Variants in CDH13 observed in about 807,000 individuals in gnomAD.
The protein encoded by CDH13 is cadherin-13.
In CDH13, 24 loss-of-function variants were observed where a neutral mutation model predicts 63.8. The observed-to-expected ratio is 0.38, with a 90% confidence interval of 0.27 to 0.53. The LOEUF is 0.53. Among genes scored for constraint, CDH13 ranks in the 20% least tolerant of loss-of-function variants. The pLI, the probability that CDH13 is intolerant of heterozygous loss-of-function variation, is 0.85. For missense variants in CDH13, 1,049 were observed against 903.1 expected, an observed-to-expected ratio of 1.16 and a Z score of -2.07; for synonymous variants, 503 against 355.3, an observed-to-expected ratio of 1.42 and a Z score of -4.67.
rs117404976 is a variant in CDH13, at chr16:83,733,294, G to A, written c.1539-14814G>A. Among the ~76,000 whole-genome samples the A allele has an allele frequency of 8.7e-3, 1,330 of 152,286 alleles. 63 individuals carry two copies. Among genetic ancestry groups the A allele is most frequent in the Admixed American group, 0.067 (1,030 of 15,284 alleles). On this transcript the variant is annotated intron_variant, in intron 10 of 13. Coordinates refer to ENST00000567109, the MANE Select transcript of CDH13 (RefSeq NM_001257.5). ...TGCCTCCGGATGATGATCCGTGAGC[G>A]CACACTGGACTCGTGCTCCTGGGTG...
intron 2 of CDH13, among the ~76,000 whole-genome samples, chr16:82,896,442 C>A (rs763639984): frequency 6.6e-6 from 1 of 151,658 alleles, no homozygotes; most frequent in Non-Finnish European, 1.5e-5. Flanking sequence ...TACAGGGGTT[C>A]CCCACTATGC....
intron 1 of CDH13, among the ~76,000 whole-genome samples, chr16:82,727,270 C>A (rs542492008): frequency 6.6e-6 from 1 of 152,042 alleles, no homozygotes; most frequent in Non-Finnish European, 1.5e-5. Flanking sequence ...TTTGTAAATC[C>A]CTGGAGGTTG....
intron 1 of CDH13, among the ~76,000 whole-genome samples, chr16:82,630,484 C>G (rs919122524): frequency 2.6e-5 from 4 of 152,212 alleles, no homozygotes; most frequent in African/African-American, 9.6e-5. Flanking sequence ...CTCCCCTTTT[C>G]TATCTTTAGC....
intron 1 of CDH13, among the ~76,000 whole-genome samples, chr16:82,726,574 G>A (rs1268827377): frequency 6.6e-6 from 1 of 152,176 alleles, no homozygotes; most frequent in Non-Finnish European, 1.5e-5. Flanking sequence ...TGCATCTGTT[G>A]CAGCTTATTT....
At chr16:82,822,874 T>A (rs965227105) in intron 1 of CDH13, among the ~76,000 whole-genome samples, 2 of 152,106 alleles carry the variant, frequency 1.3e-5, no homozygotes, top group Non-Finnish European at 2.9e-5. Context: ...GTAGGGATTG[T>A]CTGGGCTCCG....
At chr16:83,138,091 A>T (rs1408180963) in intron 4 of CDH13, among the ~76,000 whole-genome samples, 1 of 152,086 alleles carries the variant, frequency 6.6e-6, no homozygotes, top group Non-Finnish European at 1.5e-5. Context: ...AATTGTTCCC[A>T]TCTGTGAGTG....
rs1912356545 is a variant in CDH13 at position 83,744,262 on chromosome 16, G to A, written c.1539-3846G>A. Among the ~76,000 whole-genome samples the A allele has an allele frequency of 2.0e-5, 3 of 152,280 alleles. No individual in the cohort carries two copies. The South Asian group carries it at 6.2e-4, about 32-fold the overall frequency. On this transcript the variant is annotated intron_variant, in intron 10 of 13. Transcript: ENST00000567109. ...CAAAGGCATTTTTACCAGTGCATGT[G>A]CCTCGCACAGACCTAGTGAGGTGAT...
chr16:83,327,797 A>G (rs959858093), intron 5 of CDH13, among the ~76,000 whole-genome samples: 3 of 152,244 alleles, frequency 2.0e-5, no homozygotes, highest in African/African-American at 7.2e-5. Flanking sequence ...AAAAAGTCTT[A>G]TAGGTGAGGA....
intron 7 of CDH13, among the ~76,000 whole-genome samples, chr16:83,540,745 C>T (rs930272793): frequency 3.9e-5 from 6 of 152,086 alleles, no homozygotes; most frequent in Admixed American, 6.5e-5. Context: ...GTAGTAATTG[C>T]GGCAGTCAGC....
intron 5 of CDH13, among the ~76,000 whole-genome samples, chr16:83,283,516 A>G (rs1011878784): frequency 6.6e-6 from 1 of 152,188 alleles, no homozygotes; most frequent in Non-Finnish European, 1.5e-5. Context: ...ACTTGAACCC[A>G]GGAGGTGGAG....
chr16:82,840,454 G>A (rs988256691), intron 1 of CDH13, among the ~76,000 whole-genome samples: 1 of 151,688 alleles, frequency 6.6e-6, no homozygotes, highest in Non-Finnish European at 1.5e-5. Flanking sequence ...AGGCCCAGGT[G>A]GACAGATCAT....
At chr16:83,420,565 A>G (rs2071685808) in intron 6 of CDH13, among the ~76,000 whole-genome samples, 1 of 152,226 alleles carries the variant, frequency 6.6e-6, no homozygotes, top group South Asian at 2.1e-4. Flanking sequence ...CGTACCGATT[A>G]AATTACCAGT....
chr16:83,704,028 C>T (rs919904656), intron 10 of CDH13, among the ~76,000 whole-genome samples: 2 of 152,212 alleles, frequency 1.3e-5, no homozygotes, highest in African/African-American at 4.8e-5. Context: ...AAAGACATTT[C>T]TTGGCATCTA....
chr16:83,402,303 G>A (rs2091980801), intron 6 of CDH13, among the ~76,000 whole-genome samples: 1 of 152,130 alleles, frequency 6.6e-6, no homozygotes, highest in South Asian at 2.1e-4. Flanking sequence ...CCATGCATGA[G>A]CTCATCCTCA....
Position 82,920,591 on chromosome 16 carries a change from A to G in CDH13, c.157+62118A>G, listed in dbSNP as rs1313488930. ...GCAGTTTCCTATGGAAAAGAAAAGA[A>G]TGCTGTCTGGTGAGGCTGTCTCCAC... is the stretch of plus-strand genomic sequence containing the variant. On this transcript the variant is annotated intron_variant, in intron 2 of 13. Coordinates refer to ENST00000567109, the MANE Select transcript of CDH13 (RefSeq NM_001257.5). Among the ~76,000 whole-genome samples the G allele has an allele frequency of 3.3e-5, 5 of 152,190 alleles. No individual in the cohort carries two copies. The East Asian group carries it at 7.7e-4, about 23-fold the overall frequency.
intron 1 of CDH13, among the ~76,000 whole-genome samples, chr16:82,760,588 C>G (rs2034797166): frequency 6.6e-6 from 1 of 152,108 alleles, no homozygotes; most frequent in Non-Finnish European, 1.5e-5. Flanking sequence ...AGGAATCATA[C>G]AAGAGGGAAA....
intron 1 of CDH13, among the ~76,000 whole-genome samples, chr16:82,659,251 G>A (rs553898653): frequency 2.6e-5 from 4 of 152,292 alleles, no homozygotes; most frequent in Admixed American, 1.3e-4. Flanking sequence ...ATTCAACACT[G>A]GGTTTAGAAT....
At chr16:83,730,376 C>A (rs1449274979) in intron 10 of CDH13, among the ~76,000 whole-genome samples, 1 of 152,160 alleles carries the variant, frequency 6.6e-6, no homozygotes, top group Non-Finnish European at 1.5e-5. Context: ...ATAGCTATTT[C>A]TTTAAGCTAA....
chr16:82,821,879 C>G (rs1376759655), intron 1 of CDH13, among the ~76,000 whole-genome samples: 1 of 152,128 alleles, frequency 6.6e-6, no homozygotes, highest in Non-Finnish European at 1.5e-5. Flanking sequence ...ATGTATGGTC[C>G]CCTTGGACCA....
Sources: allele counts gnomAD v4.1 joint callset (sites outside exome capture counted in the v4.1 genomes callset), GRCh38; gene constraint gnomAD v4.1.1; transcripts MANE v1.5; gene names NCBI Gene and HGNC (gene_info 2026-07-23, HGNC 2026-07-21).